TUBGCP3: variants seen among roughly 807,000 people sequenced by gnomAD.
The protein encoded by TUBGCP3 is gamma-tubulin complex component 3.
In TUBGCP3, 50 loss-of-function variants were observed where a neutral mutation model predicts 123.1. The observed-to-expected ratio is 0.41, with a 90% confidence interval of 0.32 to 0.51. The LOEUF is 0.51. TUBGCP3 is among the 20% of genes least tolerant of loss of function. The pLI is 0.36. For synonymous variants in TUBGCP3, 405 were observed against 413.9 expected, an observed-to-expected ratio of 0.98 and a Z score of 0.26; for missense variants, 882 against 1,127.0, an observed-to-expected ratio of 0.78 and a Z score of 3.11.
At chr13:112,536,634 T>C (rs1376741882) in intron 11 of TUBGCP3, among the ~76,000 whole-genome samples, 1 of 152,240 alleles carries the variant, frequency 6.6e-6, no homozygotes, top group African/African-American at 2.4e-5. Flanking sequence ...TTTTTGTTAT[T>C]GAGCTTGTAT....
chr13:112,491,161 C>A (rs1880075553), intron 20 of TUBGCP3, among the ~76,000 whole-genome samples: 4 of 152,210 alleles, frequency 2.6e-5, no homozygotes, highest in Admixed American at 2.6e-4. Flanking sequence ...TCGCTCTCAT[C>A]TTTACTAATT....
At chr13:112,538,210 C>G (rs1158287957) in intron 11 of TUBGCP3, among the ~76,000 whole-genome samples, 1 of 152,164 alleles carries the variant, frequency 6.6e-6, no homozygotes, top group Non-Finnish European at 1.5e-5. Context: ...TCTTGGACAC[C>G]AGCATGACAC....
chr13:112,503,357 TTTGTTG>T (rs887399929), intron 19 of TUBGCP3, among the ~76,000 whole-genome samples: 2 of 152,200 alleles, frequency 1.3e-5, no homozygotes, highest in African/African-American at 2.4e-5. Context: ...ACCATGGTTT[TTTGTTG>T]TTGTTGTTGT....
At chr13:112,560,288 G>A (rs1216274833) in intron 3 of TUBGCP3, among the ~76,000 whole-genome samples, 1 of 151,840 alleles carries the variant, frequency 6.6e-6, no homozygotes, top group Non-Finnish European at 1.5e-5. Context: ...AAATTAGCTG[G>A]GCGTAGTGGC....
intron 1 of TUBGCP3, among the ~76,000 whole-genome samples, chr13:112,580,470 A>C (rs1314416544): frequency 6.6e-6 from 1 of 152,198 alleles, no homozygotes; most frequent in Non-Finnish European, 1.5e-5. Context: ...TTCTCAAAAA[A>C]AAAATTCTAA....
intron 1 of TUBGCP3, among the ~76,000 whole-genome samples, chr13:112,572,646 G>C (rs1881501024): frequency 6.6e-6 from 1 of 152,186 alleles, no homozygotes; most frequent in Non-Finnish European, 1.5e-5. Context: ...GTGAGACAGG[G>C]AACAGCTGGT....
chr13:112,556,038 A>G lies in TUBGCP3; in HGVS notation c.721+14T>C, dbSNP rs1880002178. The G allele has an allele frequency of 6.2e-7, 1 of 1,607,320 alleles. No individual in the cohort carries two copies. The highest frequency in any genetic ancestry group is 1.3e-5 in the African/African-American group (1 of 74,808). Reference sequence around the variant, plus strand: ...GTTCACAGAAAAGCTGTATTAACATAGATCCTTACTCACCACCCGTATCCC... The same window carrying G: ...GTTCACAGAAAAGCTGTATTAACATGGATCCTTACTCACCACCCGTATCCC... On this transcript the variant is annotated intron_variant, in intron 6 of 21. Coordinates refer to ENST00000261965, the MANE Select transcript of TUBGCP3 (RefSeq NM_006322.6).
chr13:112,516,724 AT>A, intron 16 of TUBGCP3, 149 bp from the exon 17 acceptor site: 1 of 884,982 alleles, frequency 1.1e-6, no homozygotes, highest in Non-Finnish European at 1.7e-6. Flanking sequence ...GAAGGCAGGC[AT>A]TTTTATGCCA....
At chr13:112,582,678 T>G (rs1295641758) in intron 1 of TUBGCP3, among the ~76,000 whole-genome samples, 3 of 152,166 alleles carry the variant, frequency 2.0e-5, no homozygotes, top group Non-Finnish European at 4.4e-5. Flanking sequence ...TTCTGCTTAA[T>G]GCAAGAGTGA....
chr13:112,602,244 G>A, the TUBGCP3 span, among the ~76,000 whole-genome samples: 1 of 152,160 alleles, frequency 6.6e-6, no homozygotes. Context: ...TCAGTCCTAA[G>A]GAATTAGAGG....
At chr13:112,520,155 C>A (rs747047381) in intron 14 of TUBGCP3, 134 bp from the exon 15 acceptor site, 1 of 731,216 alleles carries the variant, frequency 1.4e-6, no homozygotes. Context: ...TACAATAATG[C>A]GGCAACAAAA....
chr13:112,535,708 C>T (rs892951578), intron 11 of TUBGCP3, among the ~76,000 whole-genome samples: 14 of 152,092 alleles, frequency 9.2e-5, no homozygotes, highest in Non-Finnish European at 1.9e-4. Flanking sequence ...TTTGGAAATA[C>T]TTTTCTCCCA....
chr13:112,496,120 A>G (rs905190919), intron 20 of TUBGCP3, among the ~76,000 whole-genome samples: 29 of 152,204 alleles, frequency 1.9e-4, no homozygotes, highest in African/African-American at 7.0e-4. Flanking sequence ...GATGGCAAAT[A>G]ATTAAGTACG....
At chr13:112,489,924 CCT>C (rs1879963809) in intron 20 of TUBGCP3, 1 of 550,318 alleles carries the variant, frequency 1.8e-6, no homozygotes. Flanking sequence ...TTTGAGACTG[CCT>C]CTGTTGTTTT....
intron 13 of TUBGCP3, among the ~76,000 whole-genome samples, chr13:112,523,215 AC>A (rs1215522069): frequency 6.6e-6 from 1 of 152,186 alleles, no homozygotes; most frequent in African/African-American, 2.4e-5. Context: ...CTAGACAATA[AC>A]CCCAGTGGGA....
At chr13:112,522,285 ATTAC>A (rs759881602) in intron 14 of TUBGCP3, 31 bp downstream of exon 14, 23 of 1,447,112 alleles carry the variant, frequency 1.6e-5, no homozygotes, top group Non-Finnish European at 1.9e-5. Flanking sequence ...TGTCAAATAT[ATTAC>A]TTATTTATAG....
intron 1 of TUBGCP3, among the ~76,000 whole-genome samples, chr13:112,587,511 C>T (rs996111641): frequency 3.9e-5 from 6 of 152,262 alleles, no homozygotes; most frequent in African/African-American, 1.4e-4. Context: ...CCTCCCACGG[C>T]GCGTGACACC....
At chr13:112,498,683 G>A in intron 20 of TUBGCP3, 2 of 1,310,474 alleles carry the variant, frequency 1.5e-6, no homozygotes, top group Non-Finnish European at 2.0e-6. Flanking sequence ...GCAAAATGCA[G>A]CATGGTGCAC....
intron 8 of TUBGCP3, 39 bp from the exon 9 acceptor site, chr13:112,548,215 C>T: frequency 6.7e-7 from 1 of 1,493,766 alleles, no homozygotes; most frequent in East Asian, 2.3e-5. Flanking sequence ...ACGACACACT[C>T]ATTACACATT....
Sources: gnomAD v4.1 joint callset for allele counts (sites outside exome capture counted in the v4.1 genomes callset) on GRCh38, gnomAD v4.1.1 for gene constraint, MANE v1.5 for transcripts, NCBI Gene and HGNC (gene_info 2026-07-23, HGNC 2026-07-21) for gene names.